PPME1: variants seen among roughly 807,000 people sequenced by gnomAD.
The protein encoded by PPME1 is testicular secretory protein Li 39.
Under a neutral mutation model 56.9 loss-of-function variants are expected in PPME1, and 17 were observed. The observed-to-expected ratio is 0.30, with a 90% confidence interval of 0.20 to 0.45. PPME1 has a LOEUF of 0.45. Among genes scored for constraint, PPME1 ranks in the 20% least tolerant of loss-of-function variants. The pLI is 1.00. For synonymous variants in PPME1, 122 were observed against 156.2 expected (o/e 0.78, Z 1.63); for missense variants, 357 against 483.2 (o/e 0.74, Z 2.45).
At chr11:74,192,310 A>G (rs970936079) in intron 1 of PPME1, among the ~76,000 whole-genome samples, 7 of 152,156 alleles carry the variant, frequency 4.6e-5, no homozygotes, top group Non-Finnish European at 7.4e-5. Flanking sequence ...TGTTTACCCA[A>G]TGCATGTACC....
chr11:74,210,503 C>G (rs1469347375), intron 3 of PPME1, among the ~76,000 whole-genome samples: 1 of 152,142 alleles, frequency 6.6e-6, no homozygotes, highest in Non-Finnish European at 1.5e-5. Context: ...GAGGTGAGGC[C>G]TAATGGGAAG....
chr11:74,252,567 C>T (rs952290756), intron 13 of PPME1: 1 of 454,328 alleles, frequency 2.2e-6, no homozygotes, highest in Non-Finnish European at 4.4e-6. Context: ...GCAGGGTTTT[C>T]AACCTCAGCT....
chr11:74,202,245 G>A (rs762796357), intron 1 of PPME1, among the ~76,000 whole-genome samples: 5 of 151,900 alleles, frequency 3.3e-5, no homozygotes, highest in Admixed American at 6.6e-5. Flanking sequence ...CTCAACATGG[G>A]GAACTTTAAA....
intron 8 of PPME1, 132 bp from the exon 9 acceptor site, chr11:74,239,001 C>G: frequency 1.1e-6 from 1 of 902,912 alleles, no homozygotes; most frequent in Non-Finnish European, 1.6e-6. Context: ...ATGCACAATT[C>G]TATCCTCCTA....
At chr11:74,247,236 G>A (rs77931286) in intron 11 of PPME1, 113 bp downstream of exon 11, 14 of 885,778 alleles carry the variant, frequency 1.6e-5, no homozygotes, top group African/African-American at 5.1e-5. Flanking sequence ...TTTAGAGTCC[G>A]ACCCAAGTTG....
At chr11:74,243,493 A>G (rs1311957823) in intron 9 of PPME1, 2 of 152,186 alleles carry the variant, frequency 1.3e-5, no homozygotes, top group East Asian at 3.9e-4. Flanking sequence ...AATGGCTCAT[A>G]GTGTTGTGGG....
intron 3 of PPME1, among the ~76,000 whole-genome samples, chr11:74,221,813 A>G (rs529783050): frequency 2.0e-5 from 3 of 152,118 alleles, no homozygotes; most frequent in Non-Finnish European, 4.4e-5. Context: ...ACAAGCTGGT[A>G]TGTTCTGCAG....
At chr11:74,250,859 G>C (rs1052133320) in intron 11 of PPME1, 95 bp from the exon 12 acceptor site, 1 of 1,025,026 alleles carries the variant, frequency 9.8e-7, no homozygotes, top group Non-Finnish European at 1.5e-6. Flanking sequence ...TTGGAAATGG[G>C]GAGGTAGGTC....
At chr11:74,183,350 G>T (rs1288897989) in intron 1 of PPME1, among the ~76,000 whole-genome samples, 1 of 152,088 alleles carries the variant, frequency 6.6e-6, no homozygotes, top group African/African-American at 2.4e-5. Context: ...TGTAAAGCTG[G>T]CATATGAACT....
intron 1 of PPME1, among the ~76,000 whole-genome samples, chr11:74,182,963 C>G (rs1591016169): frequency 6.8e-6 from 1 of 148,040 alleles, no homozygotes; most frequent in Middle Eastern, 3.6e-3. Context: ...TCAAGACCAA[C>G]CTGGGCAACA....
chr11:74,215,186 A>G (rs1722155511), intron 3 of PPME1, among the ~76,000 whole-genome samples: 1 of 152,132 alleles, frequency 6.6e-6, no homozygotes, highest in South Asian at 2.1e-4. Context: ...TCTCTACAAC[A>G]AAAAATTGAC....
intron 1 of PPME1, among the ~76,000 whole-genome samples, chr11:74,187,269 G>C (rs60218608): frequency 6.6e-6 from 1 of 151,994 alleles, no homozygotes. Context: ...GTTTGTCAAC[G>C]TCTGCAAAGA....
chr11:74,243,125 A>G (rs1438758311), intron 9 of PPME1, among the ~76,000 whole-genome samples: 1 of 152,070 alleles, frequency 6.6e-6, no homozygotes, highest in Non-Finnish European at 1.5e-5. Flanking sequence ...TTGTTAGCCA[A>G]CTTTCTGTTT....
At chr11:74,248,139 G>C (rs1859555194) in intron 11 of PPME1, 1 of 152,438 alleles carries the variant, frequency 6.6e-6, no homozygotes, top group Non-Finnish European at 1.5e-5. Context: ...CAATTTTGTG[G>C]GGGCTCTTGC....
At chr11:74,185,213 T>C (rs925623126) in intron 1 of PPME1, among the ~76,000 whole-genome samples, 38 of 152,032 alleles carry the variant, frequency 2.5e-4, no homozygotes, top group Admixed American at 1.3e-4. Context: ...TTGGTCAGGC[T>C]GGTCTCGAAC....
intron 1 of PPME1, among the ~76,000 whole-genome samples, chr11:74,191,199 A>G (rs192484823): frequency 3.3e-5 from 5 of 152,314 alleles, no homozygotes; most frequent in Admixed American, 3.3e-4. Context: ...TATCAGCTGG[A>G]TGTGGTGGTA....
intron 1 of PPME1, among the ~76,000 whole-genome samples, chr11:74,183,919 A>G (rs74445332): frequency 0.032 from 4,917 of 152,322 alleles, 106 homozygotes; most frequent in Non-Finnish European, 0.051. Flanking sequence ...CATTTTCCCA[A>G]TAGCAATAGT....
chr11:74,179,756 G>C (rs1463147989), intron 1 of PPME1, among the ~76,000 whole-genome samples: 1 of 152,192 alleles, frequency 6.6e-6, no homozygotes, highest in Non-Finnish European at 1.5e-5. Flanking sequence ...GCATGCCTTG[G>C]AGTAAGGAAC....
At chr11:74,175,272 G>A (rs1030976922) in intron 1 of PPME1, among the ~76,000 whole-genome samples, 33 of 152,292 alleles carry the variant, frequency 2.2e-4, no homozygotes, top group South Asian at 4.1e-4. Context: ...GGAGGCCGAG[G>A]CGGGTGGATC....
Sources: allele counts gnomAD v4.1 joint callset (sites outside exome capture counted in the v4.1 genomes callset), GRCh38; gene constraint gnomAD v4.1.1; transcripts MANE v1.5; gene names NCBI Gene and HGNC (gene_info 2026-07-23, HGNC 2026-07-21).